Variants in XPO7 observed in about 807,000 individuals in gnomAD.
The protein encoded by XPO7 is exportin 7, also known as exportin-7.
Under a neutral mutation model 144.3 loss-of-function variants are expected in XPO7, and 21 were observed. The observed-to-expected ratio is 0.15, with a 90% confidence interval of 0.10 to 0.21. The LOEUF (loss-of-function observed/expected upper bound fraction) is 0.21. Ranked by LOEUF, XPO7 falls within the 10% of genes least tolerant of loss-of-function variation. XPO7 has a pLI of 1.00. For missense variants in XPO7, 808 were observed against 1,325.8 expected (o/e 0.61, Z 6.06); for synonymous variants, 580 against 499.6 (o/e 1.16, Z -2.15).
In XPO7 at chr8:22,005,269, G is replaced by T. The variant is rs1378833977; in HGVS notation, c.*181G>T. On this transcript the variant is annotated 3_prime_UTR_variant, in exon 28 of 28. Transcript: ENST00000252512. ...AGGGGTGTGAGTACACTCACTAGGG[G>T]GCAGGGCGCTGCTGGTTCCTGGGGG... 9.6e-6 allele frequency: 4 copies of T among 417,942 alleles called. No individual in the cohort carries two copies. Among genetic ancestry groups the T allele is most frequent in the Non-Finnish European group, 1.3e-5 (3 of 236,472 alleles). The allele number at this position is 417,942 out of a possible 1,614,324, so 25.9% of individuals were successfully genotyped here.
chr8:21,924,812 C>T (rs1810406751), intron 1 of XPO7, among the ~76,000 whole-genome samples: 1 of 152,156 alleles, frequency 6.6e-6, no homozygotes, highest in Non-Finnish European at 1.5e-5. Context: ...AAGTTCAGGA[C>T]CACGATAAAT....
chr8:22,003,391 A>T, intron 26 of XPO7, 74 bp downstream of exon 26: 1 of 1,199,830 alleles, frequency 8.3e-7, no homozygotes, highest in Non-Finnish European at 1.2e-6. Flanking sequence ...AAGCCCTGGG[A>T]GAAATGTGTA....
chr8:21,920,877 G>T (rs1365508204), intron 1 of XPO7, among the ~76,000 whole-genome samples: 1 of 152,174 alleles, frequency 6.6e-6, no homozygotes, highest in Non-Finnish European at 1.5e-5. Context: ...CCTCAAGTAA[G>T]AAGAATGATC....
chr8:21,962,511 T>A (rs1388794135), intron 1 of XPO7, among the ~76,000 whole-genome samples: 1 of 152,242 alleles, frequency 6.6e-6, no homozygotes, highest in African/African-American at 2.4e-5. Flanking sequence ...ATGTTACTAA[T>A]GTGAAGAGTT....
chr8:21,990,629 G>A (rs1311819753), intron 17 of XPO7, 182 bp from the exon 18 acceptor site: 2 of 707,168 alleles, frequency 2.8e-6, no homozygotes, highest in Admixed American at 2.8e-5. Context: ...TACTCATACT[G>A]CAGATAAATT....
chr8:21,969,001 T>C (rs1028724570), intron 2 of XPO7, among the ~76,000 whole-genome samples: 3 of 152,242 alleles, frequency 2.0e-5, no homozygotes, highest in Non-Finnish European at 4.4e-5. Flanking sequence ...GATGGAAAGA[T>C]ACAATTTGGA....
chr8:21,961,498 G>GAGC (rs1471916620), intron 1 of XPO7, among the ~76,000 whole-genome samples: 2 of 152,054 alleles, frequency 1.3e-5, no homozygotes, highest in Non-Finnish European at 2.9e-5. Flanking sequence ...TTATAGGTGT[G>GAGC]AGCCACTGTG....
At chr8:21,966,691 A>G (rs1179567644) in intron 1 of XPO7, among the ~76,000 whole-genome samples, 166 bp from the exon 2 acceptor site, 1 of 152,266 alleles carries the variant, frequency 6.6e-6, no homozygotes, top group East Asian at 1.9e-4. Flanking sequence ...CATCAAATAA[A>G]GAGACCTATA....
chr8:21,978,838 G>A lies in XPO7; in HGVS notation c.837+995G>A, dbSNP rs140501101. ...TGGATGGTCGGAAGAGGGGTACCCTGTTCCCTCTGCCCTCTAATCTCCTGC... is the reference window on the plus strand; with the variant it reads ...TGGATGGTCGGAAGAGGGGTACCCTATTCCCTCTGCCCTCTAATCTCCTGC... On this transcript the variant is annotated intron_variant, in intron 8 of 27. Coordinates refer to ENST00000252512, the MANE Select transcript of XPO7 (RefSeq NM_015024.5). 4.6e-3 allele frequency among the ~76,000 whole-genome samples: 702 copies of A among 152,310 alleles called. 8 individuals are homozygous for A. Among genetic ancestry groups the A allele is most frequent in the African/African-American group, 0.015 (631 of 41,572 alleles).
At chr8:21,994,513 T>C (rs987461733) in intron 20 of XPO7, 62 bp downstream of exon 20, 2 of 1,480,544 alleles carry the variant, frequency 1.4e-6, no homozygotes, top group Non-Finnish European at 1.9e-6. Context: ...GATTGGGTGA[T>C]AGGGTCCAGA....
chr8:21,984,456 G>A (rs1422923199), intron 11 of XPO7, among the ~76,000 whole-genome samples, 190 bp from the exon 12 acceptor site: 1 of 152,216 alleles, frequency 6.6e-6, no homozygotes, highest in Non-Finnish European at 1.5e-5. Context: ...ACCTAAGGGA[G>A]ACTGATGCTA....
chr8:21,982,622 T>G lies in XPO7; in HGVS notation c.1105-18T>G, dbSNP rs1563331651. On this transcript the variant is annotated intron_variant, in intron 10 of 27. Coordinates refer to ENST00000252512, the MANE Select transcript of XPO7 (RefSeq NM_015024.5). ...CAGAAATGAAAAATATGCCTTCTGC[T>G]TTTCTACTTTTCTTTAGCACTGGGA... The G allele has an allele frequency of 6.4e-7, 1 of 1,563,584 alleles. No individual in the cohort carries two copies. Among genetic ancestry groups the G allele is most frequent in the East Asian group, 2.3e-5 (1 of 44,196 alleles).
At chr8:21,922,060 C>T (rs1810306928) in intron 1 of XPO7, among the ~76,000 whole-genome samples, 1 of 152,142 alleles carries the variant, frequency 6.6e-6, no homozygotes, top group African/African-American at 2.4e-5. Context: ...TTTCTTATAA[C>T]ACTAATCAAA....
chr8:21,927,931 T>C (rs142145818), intron 1 of XPO7, among the ~76,000 whole-genome samples: 1 of 152,250 alleles, frequency 6.6e-6, no homozygotes, highest in African/African-American at 2.4e-5. Flanking sequence ...TCATAGAGAT[T>C]ACTGTTGTGT....
intron 1 of XPO7, among the ~76,000 whole-genome samples, chr8:21,945,618 A>G (rs913359678): frequency 6.6e-6 from 1 of 152,226 alleles, no homozygotes; most frequent in Admixed American, 6.5e-5. Flanking sequence ...TGCTTAGTAA[A>G]TAAAATATTG....
In XPO7 at chr8:21,935,120, G is replaced by A. The variant is rs141331174; in HGVS notation, c.18+15332G>A. ...CCATTTGCATCAGGACAGTCACAAA[G>A]GAGCTTTCATGCTTACTGCTCTGGG... On this transcript the variant is annotated intron_variant, in intron 1 of 27. Transcript: ENST00000252512. Among the ~76,000 whole-genome samples, 1,293 of 152,330 alleles carry A rather than the reference G, an allele frequency of 8.5e-3. 10 individuals carry two copies. Among genetic ancestry groups the A allele is most frequent in the South Asian group, 0.027 (128 of 4,828 alleles).
intron 11 of XPO7, among the ~76,000 whole-genome samples, chr8:21,983,691 A>G (rs902818945): frequency 1.4e-4 from 21 of 152,222 alleles, no homozygotes; most frequent in Non-Finnish European, 1.5e-5. Flanking sequence ...CCGGATAGCC[A>G]GTTAGTAGCT....
At position 22,005,620 on chromosome 8, in the gene XPO7, G is replaced by A. The variant is rs916833059; in HGVS notation, c.*532G>A. On this transcript the variant is annotated 3_prime_UTR_variant, in exon 28 of 28. Coordinates refer to ENST00000252512, the MANE Select transcript of XPO7 (RefSeq NM_015024.5). ...GTGAGAGTGCAGAGATATATTTAGT[G>A]ACACAGTAGAGAGGCAAAAAAAAAG... 2.4e-4 allele frequency: 37 copies of A among 152,178 alleles called. No individual in the cohort carries two copies. Among genetic ancestry groups the A allele is most frequent in the Non-Finnish European group, 3.2e-4 (22 of 68,044 alleles). 9.4% of individuals were successfully genotyped at this position (152,178 alleles called of 1,614,324 possible).
At chr8:21,950,935 A>G (rs1270857940) in intron 1 of XPO7, among the ~76,000 whole-genome samples, 1 of 151,940 alleles carries the variant, frequency 6.6e-6, no homozygotes, top group African/African-American at 2.4e-5. Context: ...CAGCCTGGCC[A>G]ACATAACAAA....
Sources: allele counts gnomAD v4.1 joint callset (sites outside exome capture counted in the v4.1 genomes callset), GRCh38; gene constraint gnomAD v4.1.1; transcripts MANE v1.5; gene names NCBI Gene and HGNC (gene_info 2026-07-23, HGNC 2026-07-21).